GATA4: variants seen among roughly 807,000 people sequenced by gnomAD.
The protein encoded by GATA4 is GATA binding protein 4.
A neutral mutation model predicts 37.9 loss-of-function variants in GATA4; 7 were observed. The ratio of observed to expected loss-of-function variants is 0.18; its 90% CI spans 0.11 to 0.35. The LOEUF (loss-of-function observed/expected upper bound fraction) is 0.35. GATA4 is among the 10% of genes least tolerant of loss of function. The pLI, the probability that GATA4 is intolerant of heterozygous loss-of-function variation, is 1.00. For synonymous variants in GATA4, 372 were observed against 292.6 expected (o/e 1.27, Z -2.77); for missense variants, 647 against 653.0 (o/e 0.99, Z 0.10).
intron 2 of GATA4, among the ~76,000 whole-genome samples, chr8:11,746,242 A>G (rs1333083282): frequency 6.6e-6 from 1 of 152,092 alleles, no homozygotes; most frequent in Non-Finnish European, 1.5e-5. Context: ...AAAAAAGGAA[A>G]AAAAAAGATA....
chr8:11,727,937 A>C (rs895602454), intron 2 of GATA4, among the ~76,000 whole-genome samples: 2 of 152,220 alleles, frequency 1.3e-5, no homozygotes, highest in East Asian at 3.8e-4. Context: ...AATATTATTC[A>C]TAAAGCATAG....
upstream of GATA4, among the ~76,000 whole-genome samples, chr8:11,701,501 GC>G (rs1799675560): frequency 6.6e-6 from 1 of 152,152 alleles, no homozygotes; most frequent in Non-Finnish European, 1.5e-5. Flanking sequence ...CCTCCAGCCG[GC>G]GGCCCAGCGA....
chr8:11,688,530 A>ACACT (rs1300062820), upstream of GATA4, among the ~76,000 whole-genome samples: 2 of 151,324 alleles, frequency 1.3e-5, no homozygotes, highest in Non-Finnish European at 3.0e-5. Context: ...GCATGCACAC[A>ACACT]CACACACACA....
intron 6 of GATA4, among the ~76,000 whole-genome samples, chr8:11,757,410 C>T (rs954739722): frequency 5.9e-5 from 9 of 152,232 alleles, no homozygotes; most frequent in African/African-American, 2.2e-4. Context: ...TGGCATACAG[C>T]ATGGGTGGCA....
intron 2 of GATA4, among the ~76,000 whole-genome samples, chr8:11,744,429 A>G (rs1317235031): frequency 6.6e-6 from 1 of 152,124 alleles, no homozygotes; most frequent in South Asian, 2.1e-4. Context: ...GGATGCCAGC[A>G]CTGGGTGGGA....
chr8:11,744,406 G>A (rs932997918), intron 2 of GATA4, among the ~76,000 whole-genome samples: 3 of 152,220 alleles, frequency 2.0e-5, no homozygotes, highest in African/African-American at 7.2e-5. Flanking sequence ...CCAAGTGGCT[G>A]GAGGAGTTCC....
At chr8:11,702,991 C>T (rs933030795), upstream of GATA4, among the ~76,000 whole-genome samples, 12 of 152,218 alleles carry the variant, frequency 7.9e-5, no homozygotes, top group African/African-American at 2.7e-4. This position sits in a 1 kb window ranked among gnomAD's most constrained non-coding sequence, Gnocchi z 4.4. Context: ...CTGGCCTCGT[C>T]CTTAACCCCC....
rs139878637 is a variant in GATA4, at chr8:11,680,208, C to G, written c.-274+3145C>G. 1.4e-3 allele frequency among the ~76,000 whole-genome samples: 218 copies of G among 152,342 alleles called. 2 individuals carry two copies. Among genetic ancestry groups the G allele is most frequent in the African/African-American group, 4.3e-3 (180 of 41,586 alleles). ...TGGGGCCGCTTAACGTCCGGAATGT[C>G]CCGACCCCCGGCTCAATCTTTGGTG... On this transcript the variant is annotated intron_variant, in intron 1 of 6. Transcript: ENST00000528712.
chr8:11,719,555 A>G (rs1450057094), intron 2 of GATA4, among the ~76,000 whole-genome samples: 1 of 152,144 alleles, frequency 6.6e-6, no homozygotes, highest in Non-Finnish European at 1.5e-5. Flanking sequence ...TTTATTATAG[A>G]AAAATGGAAA....
chr8:11,721,302 G>C (rs566777927), intron 2 of GATA4, among the ~76,000 whole-genome samples: 26 of 150,356 alleles, frequency 1.7e-4, no homozygotes, highest in African/African-American at 6.4e-4. Context: ...CCAGGACTTA[G>C]CTTGAATCAG....
Position 11,708,507 on chromosome 8 carries a change from C to A in GATA4, c.195C>A (p.Gly65=). 3 of 1,474,838 alleles carry A rather than the reference C, an allele frequency of 2.0e-6. No homozygotes were observed. The highest frequency in any genetic ancestry group is 2.7e-6 in the Non-Finnish European group (3 of 1,120,210). The allele number at this position is 1,474,838 out of a possible 1,614,324, so 91.4% of individuals were successfully genotyped here. A position where few individuals can be genotyped will look rare whatever the true frequency, so the allele number is the denominator to read the frequency against. The change falls in exon 2 of 7, where the codon GGC becomes GGA. Residue 65 remains glycine, a synonymous_variant. Transcript: ENST00000532059. The surrounding 1 kb of genome is among the most constrained non-coding windows in gnomAD (Gnocchi z 6.7). ...QGGGAGSASG[G]ASGGSSGGAA... ...GAGGCGCGGGCTCTGCGTCCGGAGG[C>A]GCCTCGGGCGGCAGCTCCGGTGGGG...
rs1314172770 is a variant in GATA4, at chr8:11,749,496, G to A, written c.786+411G>A. The stretch of plus-strand genomic sequence containing the variant: ...TCTCTACCCTGACCTCAGTTGATCA[G>A]TTGATAAATCCCAAAGCCCAGAAGT... On this transcript the variant is annotated intron_variant, in intron 3 of 6. Coordinates refer to ENST00000532059, the MANE Select transcript of GATA4 (RefSeq NM_001308093.3). This position sits in a 1 kb window ranked among gnomAD's most constrained non-coding sequence, Gnocchi z 4.6. 6.6e-6 allele frequency among the ~76,000 whole-genome samples: 1 copy of A among 152,214 alleles called. No homozygotes were observed. The highest frequency in any genetic ancestry group is 2.4e-5 in the African/African-American group (1 of 41,464).
Position 11,709,545 on chromosome 8 carries a change from G to A in GATA4, c.616+617G>A, listed in dbSNP as rs994920184. Among the ~76,000 whole-genome samples the A allele has an allele frequency of 1.4e-5, 2 of 146,684 alleles. No individual in the cohort carries two copies. Among genetic ancestry groups the A allele is most frequent in the Non-Finnish European group, 3.0e-5 (2 of 66,488 alleles). On this transcript the variant is annotated intron_variant, in intron 2 of 6. Coordinates refer to ENST00000532059, the MANE Select transcript of GATA4 (RefSeq NM_001308093.3). This position sits in a 1 kb window ranked among gnomAD's most constrained non-coding sequence, Gnocchi z 4.3. Reference sequence around the variant, plus strand: ...GCCGGCACTGTGCGGGTGCCACCCGGCCGAGCGCGTGGGCGCATCATGCGG... The same window carrying A: ...GCCGGCACTGTGCGGGTGCCACCCGACCGAGCGCGTGGGCGCATCATGCGG...
intron 2 of GATA4, among the ~76,000 whole-genome samples, chr8:11,740,122 G>A (rs1033645719): frequency 1.3e-5 from 2 of 152,180 alleles, no homozygotes; most frequent in Non-Finnish European, 2.9e-5. Context: ...GCCTGAAGCC[G>A]GAAGCCCCAG....
At chr8:11,721,616 C>G (rs1469458899) in intron 2 of GATA4, among the ~76,000 whole-genome samples, 1 of 152,008 alleles carries the variant, frequency 6.6e-6, no homozygotes, top group Non-Finnish European at 1.5e-5. Context: ...GGCAGCAGGG[C>G]ACGGCGGCTG....
intron 2 of GATA4, among the ~76,000 whole-genome samples, chr8:11,724,080 G>T (rs11777889): frequency 6.6e-6 from 1 of 152,016 alleles, no homozygotes; most frequent in African/African-American, 2.4e-5. Context: ...TGACGGGCTC[G>T]TTTCCTTTGG....
intron 5 of GATA4, among the ~76,000 whole-genome samples, chr8:11,755,987 C>G (rs1418620922): frequency 6.7e-6 from 1 of 149,620 alleles, no homozygotes; most frequent in African/African-American, 2.4e-5. Context: ...AATATATTAA[C>G]TATTTATTAA....
intron 2 of GATA4, among the ~76,000 whole-genome samples, chr8:11,710,236 T>C (rs1800112813): frequency 6.6e-6 from 1 of 152,226 alleles, no homozygotes; most frequent in Middle Eastern, 3.4e-3. Flanking sequence ...CTGTGGCTCT[T>C]GGTGTTCCCC....
chr8:11,722,826 C>A (rs1222676804), intron 2 of GATA4, among the ~76,000 whole-genome samples: 8 of 152,226 alleles, frequency 5.3e-5, no homozygotes, highest in Non-Finnish European at 1.2e-4. Flanking sequence ...TAATATTCTA[C>A]TGCCACCATT....
Sources: allele counts gnomAD v4.1 joint callset (sites outside exome capture counted in the v4.1 genomes callset), GRCh38; gene constraint gnomAD v4.1.1; non-coding constraint Gnocchi (gnomAD v3.1); transcripts MANE v1.5; gene names NCBI Gene and HGNC (gene_info 2026-07-23, HGNC 2026-07-21).